The following TTC6 variants were observed in gnomAD, a reference collection of about 807,000 sequenced individuals.
The protein encoded by TTC6 is tetratricopeptide repeat domain 6.
Under a neutral mutation model 210.4 loss-of-function variants are expected in TTC6, and 172 were observed. That is an observed-to-expected ratio of 0.82 (90% CI 0.72 to 0.93). The LOEUF (loss-of-function observed/expected upper bound fraction) is 0.93, where lower values mean the gene tolerates loss of function less well. Ranked by LOEUF, TTC6 falls within the 40% of genes least tolerant of loss-of-function variation. The probability of loss-of-function intolerance (pLI) is 0.00; values close to 1 mark genes in which losing one functional copy is unlikely to be tolerated. For synonymous variants in TTC6, 804 were observed against 819.6 expected, an observed-to-expected ratio of 0.98 and a Z score of 0.32; for missense variants, 2,414 against 2,318.1, an observed-to-expected ratio of 1.04 and a Z score of -0.85.
intron 2 of TTC6, among the ~76,000 whole-genome samples, chr14:37,681,265 A>G (rs975694034): frequency 5.9e-5 from 9 of 152,174 alleles, no homozygotes; most frequent in African/African-American, 1.9e-4. Flanking sequence ...TCTAACAGGT[A>G]TAGTAAACTG....
chr14:37,752,641 A>T (rs972809001), intron 13 of TTC6, among the ~76,000 whole-genome samples: 1 of 152,038 alleles, frequency 6.6e-6, no homozygotes, highest in African/African-American at 2.4e-5. Context: ...TTGTATGTCA[A>T]TGTAAAATGA....
At chr14:37,604,602 G>A (rs991404590) in intron 1 of TTC6, among the ~76,000 whole-genome samples, 1 of 152,038 alleles carries the variant, frequency 6.6e-6, no homozygotes, top group African/African-American at 2.4e-5. Context: ...CAGAGACCCC[G>A]ATCATCGCCC....
chr14:37,738,960 A>G (rs1595177273), exon 10 of TTC6: 15 of 1,535,458 alleles, frequency 9.8e-6, no homozygotes, highest in Non-Finnish European at 1.1e-5. Context: ...AGTATAGATG[A>G]CATCTTTGAT....
chr14:37,624,547 T>C (rs2095656911), intron 1 of TTC6, among the ~76,000 whole-genome samples: 1 of 152,178 alleles, frequency 6.6e-6, no homozygotes, highest in Admixed American at 6.5e-5. Flanking sequence ...CTTAGGGATA[T>C]ATGAAGAGAG....
At chr14:37,799,070 T>C (rs1366917028) in intron 20 of TTC6, among the ~76,000 whole-genome samples, 4 of 152,048 alleles carry the variant, frequency 2.6e-5, no homozygotes, top group Non-Finnish European at 5.9e-5. Context: ...ATTTGGAGAG[T>C]ATTTCTTCTT....
At chr14:37,656,502 TGTGTGTGTGTGC>T (rs1372962300) in intron 1 of TTC6, among the ~76,000 whole-genome samples, 1 of 114,960 alleles carries the variant, frequency 8.7e-6, no homozygotes, top group Non-Finnish European at 1.7e-5. Context: ...CCTAGTCAGG[TGTGTGTGTGTGC>T]GTGTGTGTGT....
chr14:37,760,074 A>T (rs1266966497), intron 14 of TTC6, among the ~76,000 whole-genome samples: 1 of 152,142 alleles, frequency 6.6e-6, no homozygotes, highest in Non-Finnish European at 1.5e-5. Flanking sequence ...TTTGGAGAAG[A>T]GGCATTCTGG....
chr14:37,782,743 A>G (rs1202066616), intron 14 of TTC6, among the ~76,000 whole-genome samples: 6 of 152,316 alleles, frequency 3.9e-5, no homozygotes, highest in African/African-American at 9.6e-5. Flanking sequence ...TTGCCCATTC[A>G]GTATGATATT....
At chr14:37,781,191 G>A (rs535760259) in intron 14 of TTC6, among the ~76,000 whole-genome samples, 6 of 152,258 alleles carry the variant, frequency 3.9e-5, no homozygotes, top group South Asian at 2.1e-4. Flanking sequence ...CTAGATCCTT[G>A]AGGAATTGCC....
At chr14:37,630,855 G>A (rs1303338383) in intron 1 of TTC6, among the ~76,000 whole-genome samples, 3 of 106,138 alleles carry the variant, frequency 2.8e-5, no homozygotes, top group Non-Finnish European at 3.8e-5. Context: ...TGTCTTTTTT[G>A]ATCTTTGTTG....
intron 28 of TTC6, 30 bp from the exon 31 acceptor site, chr14:37,827,166 A>G (rs546568990): frequency 8.3e-6 from 13 of 1,569,286 alleles, no homozygotes; most frequent in South Asian, 4.7e-5. Context: ...CTATTCCCCA[A>G]TGTTAAATAA....
intron 2 of TTC6, among the ~76,000 whole-genome samples, chr14:37,612,572 A>T (rs1279421475): frequency 6.6e-6 from 1 of 152,184 alleles, no homozygotes; most frequent in African/African-American, 2.4e-5. Context: ...GACTGTATAG[A>T]TCTATTTGGG....
At chr14:37,622,812 G>C (rs1436274254) in exon 1 of TTC6, 2 of 1,533,984 alleles carry the variant, frequency 1.3e-6, no homozygotes, top group South Asian at 2.4e-5. Context: ...AGCCCAGGGA[G>C]AACAGGAGAG....
At chr14:37,743,370 C>T (rs895740118) in intron 10 of TTC6, among the ~76,000 whole-genome samples, 1 of 152,202 alleles carries the variant, frequency 6.6e-6, no homozygotes, top group African/African-American at 2.4e-5. Context: ...TTCCTTTTTA[C>T]ATCCTTCTAG....
At chr14:37,668,312 A>T (rs1191577947) in intron 1 of TTC6, among the ~76,000 whole-genome samples, 1 of 150,468 alleles carries the variant, frequency 6.6e-6, no homozygotes, top group Non-Finnish European at 1.5e-5. Context: ...AACTCTCAAA[A>T]CTAAGGGCTT....
At chr14:37,774,276 G>A (rs958453987) in intron 14 of TTC6, among the ~76,000 whole-genome samples, 7 of 151,914 alleles carry the variant, frequency 4.6e-5, no homozygotes, top group African/African-American at 1.7e-4. Context: ...GATTACTGTG[G>A]CCAGGACTTC....
chr14:37,636,174 A>G (rs147165135), intron 1 of TTC6, among the ~76,000 whole-genome samples: 8 of 152,102 alleles, frequency 5.3e-5, no homozygotes, highest in African/African-American at 1.9e-4. Context: ...ATTATAGTTA[A>G]AAACGCGTAA....
At position 37,804,674 on chromosome 14, in the gene TTC6, T is replaced by G. The variant is rs201167382; in HGVS notation, c.4030-6T>G. 106 of 1,610,144 alleles carry G rather than the reference T, an allele frequency of 6.6e-5. No homozygotes were observed. Among genetic ancestry groups the G allele is most frequent in the Non-Finnish European group, 1.4e-5 (17 of 1,178,784 alleles). ...TTGCCCCCTCCCTGCTTTTTTATCATTATAGGAAGCTGTGGAAGTGCTTAA... is the reference window on the plus strand; with the variant it reads ...TTGCCCCCTCCCTGCTTTTTTATCAGTATAGGAAGCTGTGGAAGTGCTTAA... On this transcript the variant is annotated splice_region_variant and splice_polypyrimidine_tract_variant and intron_variant, in intron 20 of 30. Transcript: ENST00000553443.
At chr14:37,663,380 CTG>C (rs1433271726) in intron 1 of TTC6, among the ~76,000 whole-genome samples, 2 of 152,060 alleles carry the variant, frequency 1.3e-5, no homozygotes, top group Non-Finnish European at 2.9e-5. Flanking sequence ...AATTAAATGA[CTG>C]TGGAAACTCA....
Sources: allele counts gnomAD v4.1 joint callset (sites outside exome capture counted in the v4.1 genomes callset), GRCh38; gene constraint gnomAD v4.1.1; transcripts MANE v1.5; gene names NCBI Gene and HGNC (gene_info 2026-07-23, HGNC 2026-07-21).